Variants in ROBO1 observed in about 807,000 individuals in gnomAD.
ROBO1 encodes roundabout guidance receptor 1, also known as roundabout homolog 1.
In ROBO1, 149 loss-of-function variants were observed where a neutral mutation model predicts 195.9. The observed-to-expected ratio is 0.76, with a 90% confidence interval of 0.67 to 0.87. The LOEUF (loss-of-function observed/expected upper bound fraction) is 0.87. ROBO1 is among the 40% of genes least tolerant of loss of function. ROBO1 has a pLI of 0.00. For synonymous variants in ROBO1, 816 were observed against 733.2 expected, an observed-to-expected ratio of 1.11 and a Z score of -1.82; for missense variants, 1,933 against 2,068.3, an observed-to-expected ratio of 0.93 and a Z score of 1.27.
At chr3:78,693,368 C>CA (rs772411213) in intron 8 of ROBO1, 4 of 1,525,968 alleles carry the variant, frequency 2.6e-6, no homozygotes, top group Non-Finnish European at 3.5e-6. Flanking sequence ...TAAAACAAAA[C>CA]AAAAAAAGAA....
chr3:78,598,941 G>GAT lies in ROBO1; in HGVS notation c.4942-15_4942-14insAT, dbSNP rs1703000256. ...GCTTTCAGTTTCCTGTAAGAGATAC[G>GAT]TTATTGTCACATTTGAAAATAAATC... On this transcript the variant is annotated splice_polypyrimidine_tract_variant and intron_variant, in intron 30 of 30. Transcript: ENST00000464233. 6.5e-7 allele frequency: 1 copy of GAT among 1,530,028 alleles called. No individual in the cohort carries two copies. The highest frequency in any genetic ancestry group is 8.9e-7 in the Non-Finnish European group (1 of 1,121,990). 94.8% of individuals were successfully genotyped at this position (1,530,028 alleles called of 1,614,324 possible). A position where few individuals can be genotyped will look rare whatever the true frequency, so the allele number is the denominator to read the frequency against.
intron 2 of ROBO1, among the ~76,000 whole-genome samples, chr3:79,552,063 A>G (rs1942542791): frequency 6.6e-6 from 1 of 150,802 alleles, no homozygotes; most frequent in South Asian, 2.1e-4. Context: ...AGTAAGAAAG[A>G]AAGAAGTCTT....
intron 3 of ROBO1, among the ~76,000 whole-genome samples, chr3:79,049,273 C>A (rs1219329756): frequency 6.6e-6 from 1 of 151,826 alleles, no homozygotes; most frequent in East Asian, 1.9e-4. Context: ...ATAGCCCATT[C>A]GATCAAGTGG....
chr3:79,296,020 A>C (rs2109043633), intron 2 of ROBO1, among the ~76,000 whole-genome samples: 1 of 152,274 alleles, frequency 6.6e-6, no homozygotes, highest in South Asian at 2.1e-4. Context: ...GTTGAAGGAG[A>C]CAGAAAAAGA....
intron 4 of ROBO1, among the ~76,000 whole-genome samples, chr3:78,883,245 A>G (rs1242650821): frequency 3.0e-5 from 2 of 65,636 alleles, no homozygotes; most frequent in South Asian, 8.4e-4. Context: ...TTCTGTTGGT[A>G]AAAAAAAAAA....
intron 3 of ROBO1, among the ~76,000 whole-genome samples, chr3:79,094,819 C>A (rs766946065): frequency 6.6e-6 from 1 of 151,818 alleles, no homozygotes; most frequent in Non-Finnish European, 1.5e-5. Context: ...CCAAGTTACT[C>A]TTTTTGAAAT....
At chr3:79,648,950 C>G (rs1434731672) in intron 1 of ROBO1, among the ~76,000 whole-genome samples, 1 of 152,010 alleles carries the variant, frequency 6.6e-6, no homozygotes, top group Non-Finnish European at 1.5e-5. Context: ...AGTTGTCAAC[C>G]TGGTATTTTA....
At chr3:78,914,128 C>T (rs1200541586) in intron 4 of ROBO1, among the ~76,000 whole-genome samples, 2 of 152,158 alleles carry the variant, frequency 1.3e-5, no homozygotes, top group African/African-American at 2.4e-5. Flanking sequence ...TATTTCTTCA[C>T]TTTTAAGTTT....
chr3:79,539,014 C>G (rs1367242677), intron 2 of ROBO1, among the ~76,000 whole-genome samples: 1 of 152,076 alleles, frequency 6.6e-6, no homozygotes, highest in African/African-American at 2.4e-5. Context: ...TAAGGTCCTA[C>G]AAGATGACAA....
chr3:79,749,309 G>A (rs1324169270), intron 1 of ROBO1, among the ~76,000 whole-genome samples: 1 of 152,168 alleles, frequency 6.6e-6, no homozygotes, highest in Non-Finnish European at 1.5e-5. Context: ...TGTGATATGG[G>A]TGCTGTTAAA....
At position 78,798,870 on chromosome 3, in the gene ROBO1, A is replaced by G. The variant is rs115366010; in HGVS notation, c.500-51970T>C. 5.9e-3 allele frequency among the ~76,000 whole-genome samples: 901 copies of G among 152,322 alleles called. 3 individuals carry two copies. Among genetic ancestry groups the G allele is most frequent in the Non-Finnish European group, 0.01 (706 of 68,030 alleles). ...TTTATTTAGTAGTTACTTGGAGGTA[A>G]GATGTGAATGGCGACTAAGATGAAG... On this transcript the variant is annotated intron_variant, in intron 4 of 30. Coordinates refer to ENST00000464233, the MANE Select transcript of ROBO1 (RefSeq NM_002941.4).
At chr3:79,487,080 T>C (rs1002135130) in intron 2 of ROBO1, among the ~76,000 whole-genome samples, 3 of 131,484 alleles carry the variant, frequency 2.3e-5, no homozygotes, top group Admixed American at 1.6e-4. Context: ...TCTAAAAGTG[T>C]ATTGTTCTTT....
At chr3:79,084,384 G>A (rs1304377730) in intron 3 of ROBO1, among the ~76,000 whole-genome samples, 1 of 152,088 alleles carries the variant, frequency 6.6e-6, no homozygotes, top group East Asian at 1.9e-4. Flanking sequence ...TGTAATCCCC[G>A]CTACTCAGGA....
intron 4 of ROBO1, among the ~76,000 whole-genome samples, chr3:78,770,556 T>C (rs374961016): frequency 6.6e-6 from 1 of 152,224 alleles, no homozygotes; most frequent in Non-Finnish European, 1.5e-5. Context: ...ATTGCAAATA[T>C]ATTCTTCCAT....
chr3:79,006,656 A>C (rs1047770098), intron 3 of ROBO1, among the ~76,000 whole-genome samples: 9 of 134,790 alleles, frequency 6.7e-5, no homozygotes, highest in African/African-American at 2.5e-4. Flanking sequence ...ATTTCCCTGG[A>C]GCAAGATTCA....
intron 4 of ROBO1, among the ~76,000 whole-genome samples, chr3:78,873,708 T>C (rs996639631): frequency 6.6e-6 from 1 of 152,158 alleles, no homozygotes; most frequent in African/African-American, 2.4e-5. Context: ...AGGAAATTTT[T>C]AAAAAATGCT....
chr3:79,088,028 G>A (rs564332155), intron 3 of ROBO1, among the ~76,000 whole-genome samples: 130 of 152,144 alleles, frequency 8.5e-4, no homozygotes, highest in African/African-American at 2.4e-3. Flanking sequence ...TCTTTCTGTC[G>A]CCTTCTGTCA....
chr3:78,931,372 G>A (rs371737344), intron 4 of ROBO1, among the ~76,000 whole-genome samples: 35 of 149,316 alleles, frequency 2.3e-4, no homozygotes, highest in Admixed American at 6.8e-4. Context: ...TCAGCCTCCC[G>A]AGTAGCTGGG....
At chr3:78,739,117 C>T (rs1027771141) in intron 5 of ROBO1, among the ~76,000 whole-genome samples, 1 of 152,090 alleles carries the variant, frequency 6.6e-6, no homozygotes, top group Non-Finnish European at 1.5e-5. Context: ...GAATTTGAAG[C>T]ATGAAAAGAT....
Sources: allele counts gnomAD v4.1 joint callset (sites outside exome capture counted in the v4.1 genomes callset), GRCh38; gene constraint gnomAD v4.1.1; transcripts MANE v1.5; gene names NCBI Gene and HGNC (gene_info 2026-07-23, HGNC 2026-07-21).